Variants in CKAP5 observed in about 807,000 individuals in gnomAD.
CKAP5 encodes cytoskeleton-associated protein 5.
Under a neutral mutation model 232.8 loss-of-function variants are expected in CKAP5, and 27 were observed. The ratio of observed to expected loss-of-function variants is 0.12; its 90% confidence interval spans 0.09 to 0.16. The LOEUF is 0.16. Ranked by LOEUF, CKAP5 falls within the 10% of genes least tolerant of loss-of-function variation. The pLI is 1.00. For synonymous variants in CKAP5, 785 were observed against 841.1 expected (o/e 0.93, Z 1.16); for missense variants, 1,838 against 2,424.7 (o/e 0.76, Z 5.08).
rs138784594 is a variant in CKAP5 at position 46,796,866 on chromosome 11, G to A, written c.1413C>T (p.Gly471=). The part of the protein sequence containing the change: ...EALGTALKVV[G]EKAVNPFLAD... ...CTAGGAATGGGTTTACTGCTTTCTC[G>A]CCAACCACCTTCAAAGCAGTACCCA... The change falls in exon 12 of 44, where the codon GGC becomes GGT. Residue 471 remains glycine, a synonymous_variant. Transcript: ENST00000529230. 8.9e-5 allele frequency: 144 copies of A among 1,613,834 alleles called. No homozygotes were observed. The highest frequency in any genetic ancestry group is 3.3e-4 in the Admixed American group (20 of 59,984).
intron 20 of CKAP5, among the ~76,000 whole-genome samples, chr11:46,779,757 C>T (rs2065323578): frequency 6.6e-6 from 1 of 151,956 alleles, no homozygotes; most frequent in Non-Finnish European, 1.5e-5. Context: ...GTAGCTGGGA[C>T]CACAGGCATG....
In CKAP5 at chr11:46,770,832, G is replaced by A. The variant is rs1764489125; in HGVS notation, c.3142C>T (p.His1048Tyr). 6.2e-7 allele frequency: 1 copy of A among 1,614,112 alleles called. No homozygotes were observed. Among genetic ancestry groups the A allele is most frequent in the Non-Finnish European group, 8.5e-7 (1 of 1,180,026 alleles). ...TTGGCCATTTTTTCATATCCTAAAT[G>A]CATCATGAAGAATGGCAAGGCATCT... ...AQDALPFFMMHLGYEKMAKAT... is the reference protein window; with the variant it reads ...AQDALPFFMMYLGYEKMAKAT... The change falls in exon 25 of 44, where the codon CAT (histidine) becomes TAT (tyrosine). Residue 1048 changes from histidine to tyrosine, a missense_variant. By Grantham distance (83) the His-to-Tyr change is moderately conservative (BLOSUM62 2). Around this residue, in one of 6 missense-constraint regions of CKAP5, gnomAD observed 767 missense variants for 954.6 expected, o/e 0.80. Coordinates refer to ENST00000529230, the MANE Select transcript of CKAP5 (RefSeq NM_001008938.4).
Position 46,759,054 on chromosome 11 carries a change from G to C in CKAP5, c.4569-11C>G. 1 of 1,611,788 alleles carries C rather than the reference G, an allele frequency of 6.2e-7. No homozygotes were observed. The highest frequency in any genetic ancestry group is 8.5e-7 in the Non-Finnish European group (1 of 1,179,302). The stretch of plus-strand genomic sequence containing the variant: ...GAAACAGCCCGGATCCTAGATAGCA[G>C]AACAAAGAGAAAACTTCAACCTCTA... On this transcript the variant is annotated splice_polypyrimidine_tract_variant and intron_variant, in intron 34 of 43. Transcript: ENST00000529230.
At position 46,808,033 on chromosome 11, in the gene CKAP5, T is replaced by G; in HGVS notation, c.976A>C (p.Lys326Gln). ...DYADLVKALK[K>Q]VVGKDTNVML... ...GTACTGCAAGTCCTCATATTTACCT[T>G]CTTTAATGCTTTTACTAAATCTGCA... is the stretch of plus-strand genomic sequence containing the variant. The change falls in exon 8 of 44, where the codon AAG (lysine) becomes CAG (glutamine). Residue 326 changes from lysine to glutamine, a missense_variant and splice_region_variant. Coordinates refer to ENST00000529230, the MANE Select transcript of CKAP5 (RefSeq NM_001008938.4). 4 of 1,611,186 alleles carry G rather than the reference T, an allele frequency of 2.5e-6. No individual in the cohort carries two copies. The highest frequency in any genetic ancestry group is 3.4e-6 in the Non-Finnish European group (4 of 1,177,514).
intron 24 of CKAP5, among the ~76,000 whole-genome samples, chr11:46,774,214 C>T (rs550443500): frequency 6.6e-6 from 1 of 152,260 alleles, no homozygotes; most frequent in South Asian, 2.1e-4. Context: ...CACAAGCATT[C>T]CTATACACCA....
At chr11:46,749,291 T>A (rs1232194428) in intron 42 of CKAP5, among the ~76,000 whole-genome samples, 5 of 150,164 alleles carry the variant, frequency 3.3e-5, no homozygotes, top group Admixed American at 3.3e-4. Context: ...CCCATCTCCA[T>A]TAAAAATACA....
intron 1 of CKAP5, among the ~76,000 whole-genome samples, chr11:46,830,676 T>C (rs1206897745): frequency 2.0e-5 from 3 of 152,002 alleles, no homozygotes; most frequent in Non-Finnish European, 2.9e-5. Context: ...GCCACCAAGT[T>C]TGTGGTCATT....
At position 46,775,982 on chromosome 11, in the gene CKAP5, A is replaced by T. The variant is rs146719628; in HGVS notation, c.2991+273T>A. On this transcript the variant is annotated intron_variant, in intron 24 of 43. Transcript: ENST00000529230. ...GAGCTTAAATAATAATAAAAAAAAC[A>T]CAAAACCTCTGATTTTACCATTTAA... is the stretch of plus-strand genomic sequence containing the variant. Among the ~76,000 whole-genome samples the T allele has an allele frequency of 9.9e-5, 15 of 152,254 alleles. No individual in the cohort carries two copies. In the East Asian group the frequency reaches 2.9e-3, roughly 29 times the overall value.
At chr11:46,758,466 A>G (rs955770163) in intron 35 of CKAP5, among the ~76,000 whole-genome samples, 4 of 152,168 alleles carry the variant, frequency 2.6e-5, no homozygotes, top group African/African-American at 7.2e-5. Context: ...AATAAGTTCC[A>G]TGAGAGTTGG....
chr11:46,843,074 A>C (rs938137584), intron 1 of CKAP5, among the ~76,000 whole-genome samples: 9 of 151,674 alleles, frequency 5.9e-5, no homozygotes, highest in African/African-American at 2.2e-4. Context: ...ACTTGAGCCC[A>C]GGAGTTCAAG....
intron 1 of CKAP5, among the ~76,000 whole-genome samples, chr11:46,822,462 T>C (rs1215654292): frequency 2.6e-5 from 4 of 151,818 alleles, no homozygotes; most frequent in Non-Finnish European, 5.9e-5. Flanking sequence ...TAGAAAATAA[T>C]CAATATGGGG....
At chr11:46,829,580 T>A (rs2134704901) in intron 1 of CKAP5, among the ~76,000 whole-genome samples, 1 of 152,328 alleles carries the variant, frequency 6.6e-6, no homozygotes, top group African/African-American at 2.4e-5. Context: ...TCTAGCTTAC[T>A]TTACTGTAAG....
chr11:46,843,461 T>G (rs918932840), intron 1 of CKAP5, among the ~76,000 whole-genome samples: 3 of 151,992 alleles, frequency 2.0e-5, no homozygotes, highest in African/African-American at 7.2e-5. Context: ...CCAGGCGTAG[T>G]GGTTCACGCC....
At chr11:46,790,338 C>A in intron 14 of CKAP5, 132 bp downstream of exon 14, 1 of 816,150 alleles carries the variant, frequency 1.2e-6, no homozygotes, top group South Asian at 1.8e-5. Context: ...AGGAGATTGT[C>A]CAAGGCAGTT....
Position 46,781,429 on chromosome 11 carries a change from T to C in CKAP5, c.2250-944A>G, listed in dbSNP as rs112108751. Reference sequence around the variant, plus strand: ...AGTCAGAATATGAACCTGTTACTCTTCTCAAAAGCCCCTAATGCCTTCCCA... The same window carrying C: ...AGTCAGAATATGAACCTGTTACTCTCCTCAAAAGCCCCTAATGCCTTCCCA... On this transcript the variant is annotated intron_variant, in intron 18 of 43. Coordinates refer to ENST00000529230, the MANE Select transcript of CKAP5 (RefSeq NM_001008938.4). Among the ~76,000 whole-genome samples, 419 of 152,268 alleles carry C rather than the reference T, an allele frequency of 2.8e-3. 2 individuals are homozygous for C. Among genetic ancestry groups the C allele is most frequent in the African/African-American group, 9.6e-3 (397 of 41,544 alleles).
chr11:46,758,971 G>C lies in CKAP5; in HGVS notation c.4641C>G (p.Ser1547=), dbSNP rs1211294727. 5.0e-6 allele frequency: 8 copies of C among 1,613,476 alleles called. No homozygotes were observed. The highest frequency in any genetic ancestry group is 6.8e-6 in the Non-Finnish European group (8 of 1,179,948). Residue 1547 remains serine, a synonymous_variant, in exon 35 of 44, where the codon TCC becomes TCG. Transcript: ENST00000529230. The stretch of plus-strand genomic sequence containing the variant: ...TGTTGATGTCACCACTGGCTACTTG[G>C]GAGATAATGAAATTGATTGTGGATG... ...NTASTINFII[S]QVASGDINTS...
chr11:46,758,815 A>C, intron 35 of CKAP5, 108 bp downstream of exon 35: 3 of 1,278,116 alleles, frequency 2.3e-6, no homozygotes, highest in Non-Finnish European at 3.2e-6. Flanking sequence ...AAAGTATGAA[A>C]CACTGCCTGC....
chr11:46,826,442 T>C (rs1421957630), intron 1 of CKAP5, among the ~76,000 whole-genome samples: 2 of 152,058 alleles, frequency 1.3e-5, no homozygotes, highest in African/African-American at 4.8e-5. Flanking sequence ...GAGAGAGAGA[T>C]TCAGCTCCAC....
intron 1 of CKAP5, among the ~76,000 whole-genome samples, chr11:46,830,924 GCA>G (rs1387623385): frequency 6.6e-6 from 1 of 152,050 alleles, no homozygotes; most frequent in African/African-American, 2.4e-5. Flanking sequence ...AATTAGCCGG[GCA>G]TGGTGGCGGG....
Sources: gnomAD v4.1 joint callset for allele counts (sites outside exome capture counted in the v4.1 genomes callset) on GRCh38, gnomAD v4.1.1 for gene constraint, gnomAD v4.1.1 regional missense constraint, MANE v1.5 for transcripts, NCBI Gene and HGNC (gene_info 2026-07-23, HGNC 2026-07-21) for gene names.